Variants in OSBPL9 observed in about 807,000 individuals in gnomAD.
OSBPL9 encodes the protein oxysterol binding protein like 9, also known as oxysterol-binding protein-related protein 9.
Under a neutral mutation model 106.6 loss-of-function variants are expected in OSBPL9, and 40 were observed. That is an observed-to-expected ratio of 0.38 (90% CI 0.29 to 0.49). OSBPL9 has a LOEUF of 0.49. Among genes scored for constraint, OSBPL9 ranks in the 20% least tolerant of loss-of-function variants. The pLI is 0.97. For missense variants in OSBPL9, 609 were observed against 887.2 expected (o/e 0.69, Z 3.98); for synonymous variants, 269 against 295.4 (o/e 0.91, Z 0.92).
chr1:51,701,855 T>A (rs1391954403), intron 3 of OSBPL9, among the ~76,000 whole-genome samples: 1 of 152,128 alleles, frequency 6.6e-6, no homozygotes, highest in African/African-American at 2.4e-5. Context: ...TGTCCATGTG[T>A]TCTCGTTGTT....
intron 3 of OSBPL9, among the ~76,000 whole-genome samples, chr1:51,711,725 C>T (rs1273942753): frequency 6.9e-6 from 1 of 145,426 alleles, no homozygotes; most frequent in Non-Finnish European, 1.5e-5. Context: ...TGCTCCTCAC[C>T]TCCCAGACGG....
At chr1:51,733,776 AAAAC>A (rs149049753) in intron 4 of OSBPL9, among the ~76,000 whole-genome samples, 5,520 of 152,072 alleles carry the variant, frequency 0.036, 233 homozygotes, top group East Asian at 0.11. Flanking sequence ...CTCTGTCTCA[AAAAC>A]AAACAAAAAA....
At chr1:51,699,036 T>G (rs1323014884) in intron 3 of OSBPL9, among the ~76,000 whole-genome samples, 1 of 152,180 alleles carries the variant, frequency 6.6e-6, no homozygotes, top group Non-Finnish European at 1.5e-5. Context: ...TAATATTGAC[T>G]CTTGAATTTT....
chr1:51,693,232 T>C (rs1011071496), intron 3 of OSBPL9, among the ~76,000 whole-genome samples: 12 of 151,624 alleles, frequency 7.9e-5, no homozygotes, highest in African/African-American at 2.9e-4. Flanking sequence ...AAAATTAGCC[T>C]GGCATGGCAC....
Position 51,783,950 on chromosome 1 carries a change from A to G in OSBPL9, c.1549A>G (p.Ile517Val), listed in dbSNP as rs1676993401. 1.4e-5 allele frequency: 23 copies of G among 1,614,020 alleles called. No individual in the cohort carries two copies. The highest frequency in any genetic ancestry group is 1.9e-5 in the Non-Finnish European group (22 of 1,179,866). Residue 517 changes from isoleucine to valine, a missense_variant, in exon 18 of 24, where the codon ATA becomes GTA. Around this residue, in one of 5 missense-constraint regions of OSBPL9, gnomAD observed 356 missense variants for 505.8 expected, o/e 0.70. Transcript: ENST00000428468. ...AFYAECFNKK[I>V]QFNAHIWTKS... is the part of the protein sequence containing the mutation. ...TTATGCTGAGTGTTTTAACAAGAAG[A>G]TACAATTCAATGCTCATATCTGGAC...
chr1:51,725,151 G>T, intron 4 of OSBPL9, among the ~76,000 whole-genome samples: 1 of 149,036 alleles, frequency 6.7e-6, no homozygotes, highest in South Asian at 2.1e-4. Flanking sequence ...TCTCGGTTTT[G>T]TAGGTGTCTG....
At chr1:51,731,223 T>TC (rs1664318114) in intron 4 of OSBPL9, among the ~76,000 whole-genome samples, 1 of 148,092 alleles carries the variant, frequency 6.8e-6, no homozygotes, top group South Asian at 2.2e-4. Flanking sequence ...ATTGTTTGAG[T>TC]CCAGGAGCTG....
At chr1:51,726,231 T>C (rs147515877) in intron 4 of OSBPL9, among the ~76,000 whole-genome samples, 107 of 152,334 alleles carry the variant, frequency 7.0e-4, no homozygotes, top group African/African-American at 2.5e-3. Context: ...GTTGGTCTCC[T>C]AATTTGGGAG....
the OSBPL9 span, among the ~76,000 whole-genome samples, chr1:51,558,172 T>C: frequency 1.3e-5 from 2 of 151,822 alleles, no homozygotes; most frequent in African/African-American, 2.4e-5. Flanking sequence ...CCCAACTACT[T>C]GGGAGGCTGA....
At chr1:51,547,971 A>C in the OSBPL9 span, among the ~76,000 whole-genome samples, 1 of 151,902 alleles carries the variant, frequency 6.6e-6, no homozygotes, top group Non-Finnish European at 1.5e-5. Flanking sequence ...CTGGAAGGAA[A>C]TATAATAATA....
chr1:51,716,246 G>T (rs144846565), intron 4 of OSBPL9, among the ~76,000 whole-genome samples: 2 of 152,166 alleles, frequency 1.3e-5, no homozygotes, highest in Non-Finnish European at 2.9e-5. Flanking sequence ...ATGTTCATTT[G>T]ACTGGCAAAA....
At chr1:51,551,624 T>A in the OSBPL9 span, among the ~76,000 whole-genome samples, 1 of 152,142 alleles carries the variant, frequency 6.6e-6, no homozygotes, top group Non-Finnish European at 1.5e-5. Context: ...TCTTACTCTG[T>A]CATCCAAGCT....
the OSBPL9 span, among the ~76,000 whole-genome samples, chr1:51,527,386 G>A: frequency 6.6e-6 from 1 of 151,676 alleles, no homozygotes; most frequent in Admixed American, 6.6e-5. Context: ...TTAAGAATTG[G>A]GTTATCTTTT....
upstream of OSBPL9, among the ~76,000 whole-genome samples, chr1:51,615,535 CTCTT>C (rs1384126816): frequency 6.6e-6 from 1 of 152,178 alleles, no homozygotes; most frequent in Non-Finnish European, 1.5e-5. Flanking sequence ...CTGCTATTCT[CTCTT>C]TTCTCTAGGA....
chr1:51,767,340 C>T (rs923099025), intron 12 of OSBPL9, among the ~76,000 whole-genome samples: 3 of 151,214 alleles, frequency 2.0e-5, no homozygotes, highest in African/African-American at 7.3e-5. Context: ...TTGCAGTGAG[C>T]CGAGATTGGG....
intron 3 of OSBPL9, among the ~76,000 whole-genome samples, chr1:51,708,497 A>G (rs1174327462): frequency 2.0e-5 from 3 of 152,084 alleles, no homozygotes; most frequent in Non-Finnish European, 2.9e-5. Flanking sequence ...TAAATCTTCT[A>G]TGTCCTTATT....
the OSBPL9 span, among the ~76,000 whole-genome samples, chr1:51,536,987 A>T: frequency 6.6e-6 from 1 of 152,222 alleles, no homozygotes; most frequent in Non-Finnish European, 1.5e-5. Flanking sequence ...CTATGTAAAT[A>T]TCCTGTTCCT....
At chr1:51,654,874 CAG>C (rs1557645519) in intron 2 of OSBPL9, among the ~76,000 whole-genome samples, 2 of 152,050 alleles carry the variant, frequency 1.3e-5, no homozygotes, top group African/African-American at 4.8e-5. Flanking sequence ...TAGCCAAAAT[CAG>C]AGACAGAAAG....
At chr1:51,571,077 G>A in the OSBPL9 span, among the ~76,000 whole-genome samples, 1 of 152,028 alleles carries the variant, frequency 6.6e-6, no homozygotes, top group Non-Finnish European at 1.5e-5. Context: ...CACCCGGCTG[G>A]GTCCTTCCTT....
Sources: allele counts gnomAD v4.1 joint callset (sites outside exome capture counted in the v4.1 genomes callset), GRCh38; gene constraint gnomAD v4.1.1; regional missense constraint gnomAD v4.1.1; transcripts MANE v1.5; gene names NCBI Gene and HGNC (gene_info 2026-07-23, HGNC 2026-07-21).